The following ZNF704 variants were observed in gnomAD, a reference collection of about 807,000 sequenced individuals.
The protein encoded by ZNF704 is glucocorticoid induced gene 1.
Under a neutral mutation model 44.7 loss-of-function variants are expected in ZNF704, and 10 were observed. That is an observed-to-expected ratio of 0.22 (90% CI 0.14 to 0.38). The LOEUF (loss-of-function observed/expected upper bound fraction) is 0.38. Among genes scored for constraint, ZNF704 ranks in the 10% least tolerant of loss-of-function variants. The pLI, the probability that ZNF704 is intolerant of heterozygous loss-of-function variation, is 1.00. For synonymous variants in ZNF704, 211 were observed against 207.6 expected (o/e 1.02, Z -0.14); for missense variants, 390 against 545.5 (o/e 0.71, Z 2.84).
chr8:80,689,595 G>A (rs1416583896), intron 3 of ZNF704, among the ~76,000 whole-genome samples: 3 of 152,154 alleles, frequency 2.0e-5, no homozygotes, highest in Admixed American at 6.5e-5. Context: ...TGGCAGGCCC[G>A]GGTGGCTTAC....
intron 1 of ZNF704, among the ~76,000 whole-genome samples, chr8:80,871,334 A>C (rs183316738): frequency 6.6e-6 from 1 of 152,286 alleles, no homozygotes; most frequent in Admixed American, 6.5e-5. Context: ...ACCAAGTTCC[A>C]GCCACACTCA....
chr8:80,670,319 G>A (rs1389836503), intron 5 of ZNF704, among the ~76,000 whole-genome samples, 184 bp downstream of exon 5: 1 of 152,202 alleles, frequency 6.6e-6, no homozygotes, highest in African/African-American at 2.4e-5. Flanking sequence ...TTATATCCTT[G>A]TTCTTTCCAC....
At chr8:80,836,920 A>G (rs1808592973) in intron 1 of ZNF704, among the ~76,000 whole-genome samples, 1 of 152,230 alleles carries the variant, frequency 6.6e-6, no homozygotes, top group Non-Finnish European at 1.5e-5. Context: ...GCTCCACCAG[A>G]ATATTCGCTC....
At chr8:80,723,720 TG>T (rs1444477418) in intron 2 of ZNF704, among the ~76,000 whole-genome samples, 1 of 152,214 alleles carries the variant, frequency 6.6e-6, no homozygotes, top group Non-Finnish European at 1.5e-5. Context: ...AAATCTAAGA[TG>T]TCAACTTTAA....
At chr8:80,857,796 TCTTC>T (rs757109447) in intron 1 of ZNF704, among the ~76,000 whole-genome samples, 42 of 152,332 alleles carry the variant, frequency 2.8e-4, no homozygotes, top group Admixed American at 5.2e-4. Flanking sequence ...TGGTATTATA[TCTTC>T]CTTAAGTATT....
rs1370773041 is a variant in ZNF704 at position 80,777,884 on chromosome 8, A to C, written c.221+43490T>G. On this transcript the variant is annotated intron_variant, in intron 2 of 8. Transcript: ENST00000327835. ...ACAGAGTGAGGCTGCGACTCAACAA[A>C]AAAAAAAAAAAAGAAGAAAGTAACC... is the stretch of plus-strand genomic sequence containing the variant. Among the ~76,000 whole-genome samples the C allele has an allele frequency of 2.7e-5, 4 of 150,916 alleles. No individual in the cohort carries two copies. In the East Asian group the frequency reaches 5.8e-4, roughly 22 times the overall value.
At chr8:80,668,156 G>A (rs1818224538) in intron 5 of ZNF704, among the ~76,000 whole-genome samples, 2 of 152,216 alleles carry the variant, frequency 1.3e-5, no homozygotes, top group African/African-American at 4.8e-5. Flanking sequence ...TAATTTGTGA[G>A]TTTGTAGAGA....
chr8:80,691,540 T>G (rs1477344065), intron 3 of ZNF704, among the ~76,000 whole-genome samples: 1 of 152,212 alleles, frequency 6.6e-6, no homozygotes, highest in Non-Finnish European at 1.5e-5. Flanking sequence ...CCTCGGCTCT[T>G]TTCCCACTGC....
chr8:80,640,692 G>C lies in ZNF704; in HGVS notation c.*674C>G, dbSNP rs1817727996. On this transcript the variant is annotated 3_prime_UTR_variant, in exon 9 of 9. Coordinates refer to ENST00000327835, the MANE Select transcript of ZNF704 (RefSeq NM_001033723.3). Reference sequence around the variant, plus strand: ...TGAACTCAGCTTCGGGCTGAAGTCTGCTGGTGATTTCCGTGGACAATCCCT... The same window carrying C: ...TGAACTCAGCTTCGGGCTGAAGTCTCCTGGTGATTTCCGTGGACAATCCCT... The C allele has an allele frequency of 6.6e-6, 1 of 152,212 alleles. No homozygotes were observed. The highest frequency in any genetic ancestry group is 2.4e-5 in the African/African-American group (1 of 41,442). 9.4% of individuals were successfully genotyped at this position (152,212 alleles called of 1,614,324 possible).
In ZNF704 at chr8:80,664,067, C is replaced by T. The variant is rs73271035; in HGVS notation, c.927+748G>A. On this transcript the variant is annotated intron_variant, in intron 6 of 8. Coordinates refer to ENST00000327835, the MANE Select transcript of ZNF704 (RefSeq NM_001033723.3). ...TTAAACAGATACTTATGTAATGTGC[C>T]AGGCACCATTTTGAGGGCTTTGCAA... Among the ~76,000 whole-genome samples, 787 of 151,290 alleles carry T rather than the reference C, an allele frequency of 5.2e-3. 7 individuals carry two copies. The highest frequency in any genetic ancestry group is 0.018 in the African/African-American group (742 of 41,204).
chr8:80,641,545 A>C (rs1012028603), intron 8 of ZNF704, 68 bp from the exon 9 acceptor site: 4 of 1,018,478 alleles, frequency 3.9e-6, no homozygotes, highest in Non-Finnish European at 5.6e-6. Context: ...GAGAGCTCAA[A>C]AATCCCTTGC....
At chr8:80,806,659 A>T (rs540690512) in intron 2 of ZNF704, among the ~76,000 whole-genome samples, 1 of 152,244 alleles carries the variant, frequency 6.6e-6, no homozygotes, top group East Asian at 1.9e-4. Context: ...CACTCTTCTG[A>T]ACAGGACCAA....
intron 2 of ZNF704, among the ~76,000 whole-genome samples, chr8:80,780,230 G>A (rs1040557310): frequency 6.6e-6 from 1 of 152,146 alleles, no homozygotes; most frequent in Admixed American, 6.6e-5. Context: ...TGGAAAATAC[G>A]CTGGCAACAT....
chr8:80,770,388 T>C lies in ZNF704; in HGVS notation c.221+50986A>G, dbSNP rs768218314. 3.3e-5 allele frequency among the ~76,000 whole-genome samples: 5 copies of C among 152,324 alleles called. No individual in the cohort carries two copies. In the South Asian group the frequency reaches 6.2e-4, roughly 19 times the overall value. ...TTGTTCTCTATCTTGATAGTTTTAA[T>C]AGATATGTAGTGACAGCCCATTGTG... On this transcript the variant is annotated intron_variant, in intron 2 of 8. Transcript: ENST00000327835.
At chr8:80,739,360 T>C (rs1453116852) in intron 2 of ZNF704, among the ~76,000 whole-genome samples, 1 of 152,040 alleles carries the variant, frequency 6.6e-6, no homozygotes, top group African/African-American at 2.4e-5. Flanking sequence ...TATGGAGAGG[T>C]GGGCAGAAAG....
intron 1 of ZNF704, among the ~76,000 whole-genome samples, chr8:80,832,817 C>T (rs954260049): frequency 6.6e-6 from 1 of 152,124 alleles, no homozygotes; most frequent in Non-Finnish European, 1.5e-5. Context: ...TAAAATCACA[C>T]CTGAAAAAGT....
At chr8:80,819,892 TTTTGA>T (rs1265299476) in intron 2 of ZNF704, among the ~76,000 whole-genome samples, 3 of 152,170 alleles carry the variant, frequency 2.0e-5, no homozygotes, top group African/African-American at 7.2e-5. Flanking sequence ...GAGAAGATAC[TTTTGA>T]TTTAATATAG....
chr8:80,878,972 A>C (rs1809392912), upstream of ZNF704, among the ~76,000 whole-genome samples: 1 of 152,204 alleles, frequency 6.6e-6, no homozygotes, highest in Non-Finnish European at 1.5e-5. Flanking sequence ...GAGGCAATAA[A>C]TAGAACGCTG....
intron 2 of ZNF704, among the ~76,000 whole-genome samples, chr8:80,709,886 C>T (rs572991515): frequency 1.3e-5 from 2 of 152,290 alleles, no homozygotes; most frequent in South Asian, 4.1e-4. Context: ...AGCAGCTTCG[C>T]TTGTAAGATA....
Sources: allele counts gnomAD v4.1 joint callset (sites outside exome capture counted in the v4.1 genomes callset), GRCh38; gene constraint gnomAD v4.1.1; transcripts MANE v1.5; gene names NCBI Gene and HGNC (gene_info 2026-07-23, HGNC 2026-07-21).